ADK: variants seen among roughly 807,000 people sequenced by gnomAD.
ADK encodes adenosine kinase, also known as N6,N6-dimethyladenosine kinase.
ADK carries 24 observed loss-of-function variants against 44.7 expected under a neutral mutation model. That is an observed-to-expected ratio of 0.54 (90% CI 0.39 to 0.76). The LOEUF is 0.76. ADK is among the 30% of genes least tolerant of loss of function. The pLI is 0.00. For missense variants in ADK, 321 were observed against 425.1 expected (o/e 0.76, Z 2.15); for synonymous variants, 128 against 142.6 (o/e 0.90, Z 0.73).
intron 1 of ADK, among the ~76,000 whole-genome samples, chr10:74,162,521 T>TTGTGTGTGTGTG (rs10550667): frequency 4.9e-5 from 7 of 141,882 alleles, no homozygotes; most frequent in African/African-American, 7.9e-5. Context: ...TGCATTTCTT[T>TTGTGTGTGTGTG]TGTGTGTGTG....
intron 6 of ADK, among the ~76,000 whole-genome samples, chr10:74,511,149 T>C (rs963745792): frequency 3.3e-5 from 5 of 152,232 alleles, no homozygotes; most frequent in Non-Finnish European, 7.3e-5. Context: ...CTTGGCACTT[T>C]TGTCAAAAAT....
At chr10:74,686,041 A>T (rs1855774341) in intron 10 of ADK, among the ~76,000 whole-genome samples, 2 of 152,074 alleles carry the variant, frequency 1.3e-5, no homozygotes. Flanking sequence ...GACTCGCTGC[A>T]AGCTCCGCCT....
chr10:74,192,212 T>G (rs1224922055), intron 1 of ADK, among the ~76,000 whole-genome samples: 1 of 152,082 alleles, frequency 6.6e-6, no homozygotes, highest in Non-Finnish European at 1.5e-5. Flanking sequence ...TTTACCATTT[T>G]TTTTTCTTTT....
chr10:74,691,120 T>A (rs1042977180), intron 10 of ADK, among the ~76,000 whole-genome samples: 1 of 152,192 alleles, frequency 6.6e-6, no homozygotes, highest in African/African-American at 2.4e-5. Flanking sequence ...AGCATATATC[T>A]GGTAATCATT....
Position 74,702,491 on chromosome 10 carries a change from T to C in ADK, c.965-5830T>C, listed in dbSNP as rs138969667. On this transcript the variant is annotated intron_variant, in intron 10 of 10. Coordinates refer to ENST00000539909, the MANE Select transcript of ADK (RefSeq NM_006721.4). ...GCCACCATGGCCAGCCTAATTTGAT[T>C]TGAGGATTTGCTCAGTCTGTCTTCC... Among the ~76,000 whole-genome samples the C allele has an allele frequency of 2.7e-4, 39 of 146,506 alleles. No homozygotes were observed. The South Asian group carries it at 8.0e-3, about 30-fold the overall frequency.
In ADK at chr10:74,543,605, A is replaced by C. The variant is rs188120834; in HGVS notation, c.726+18179A>C. ...GTTAGATGTTGCTAAATTCCTCTCCAAAATAATTAGAAATGTTTTCATTCT... is the reference window on the plus strand; with the variant it reads ...GTTAGATGTTGCTAAATTCCTCTCCCAAATAATTAGAAATGTTTTCATTCT... On this transcript the variant is annotated intron_variant, in intron 7 of 10. Coordinates refer to ENST00000539909, the MANE Select transcript of ADK (RefSeq NM_006721.4). Among the ~76,000 whole-genome samples the C allele has an allele frequency of 2.0e-3, 302 of 152,368 alleles. 1 individual carries two copies. The highest frequency in any genetic ancestry group is 7.1e-3 in the African/African-American group (295 of 41,590).
chr10:74,517,083 GTC>G (rs1848616875), intron 6 of ADK, among the ~76,000 whole-genome samples: 1 of 152,002 alleles, frequency 6.6e-6, no homozygotes, highest in South Asian at 2.1e-4. Flanking sequence ...TCTCCCACCA[GTC>G]TCTCCCACAA....
intron 9 of ADK, chr10:74,655,396 C>T (rs1280736235): frequency 4.9e-6 from 2 of 409,648 alleles, no homozygotes; most frequent in Admixed American, 3.4e-5. Context: ...AAGAGTTGGA[C>T]GAAGACACGA....
chr10:74,559,595 T>C (rs1357214922), intron 7 of ADK, among the ~76,000 whole-genome samples: 1 of 152,238 alleles, frequency 6.6e-6, no homozygotes, highest in Non-Finnish European at 1.5e-5. Context: ...AATTTAACTT[T>C]TGATACATTT....
intron 2 of ADK, among the ~76,000 whole-genome samples, chr10:74,218,536 T>C (rs907616993): frequency 1.3e-5 from 2 of 152,074 alleles, no homozygotes; most frequent in African/African-American, 4.8e-5. Context: ...AGATACTCCT[T>C]GAGAAGACCA....
At chr10:74,597,548 T>G (rs909974484) in intron 8 of ADK, among the ~76,000 whole-genome samples, 2 of 152,198 alleles carry the variant, frequency 1.3e-5, no homozygotes, top group African/African-American at 4.8e-5. Flanking sequence ...GTTCATGAAC[T>G]TTATACTTTT....
At chr10:74,666,941 G>C (rs564250882) in intron 9 of ADK, among the ~76,000 whole-genome samples, 1 of 147,652 alleles carries the variant, frequency 6.8e-6, no homozygotes, top group Non-Finnish European at 1.5e-5. Flanking sequence ...AGTGATTCTC[G>C]TGCCTCAGCC....
At chr10:74,397,804 A>G (rs1255754605) in intron 5 of ADK, among the ~76,000 whole-genome samples, 1 of 152,176 alleles carries the variant, frequency 6.6e-6, no homozygotes, top group East Asian at 1.9e-4. Context: ...CCTCTGAAAG[A>G]GCTGGGATTT....
intron 9 of ADK, among the ~76,000 whole-genome samples, chr10:74,611,870 C>T (rs891275395): frequency 1.1e-4 from 16 of 152,040 alleles, no homozygotes; most frequent in African/African-American, 1.9e-4. Flanking sequence ...TTATCCAATC[C>T]GCTGTTGATG....
At chr10:74,542,506 A>G (rs1472103590) in intron 7 of ADK, among the ~76,000 whole-genome samples, 2 of 152,042 alleles carry the variant, frequency 1.3e-5, no homozygotes, top group Non-Finnish European at 2.9e-5. Flanking sequence ...TTTCCCCTTC[A>G]AGTATTTTAA....
At chr10:74,458,090 A>G (rs925222729) in intron 6 of ADK, among the ~76,000 whole-genome samples, 2 of 149,810 alleles carry the variant, frequency 1.3e-5, no homozygotes, top group African/African-American at 4.9e-5. Context: ...AAACTGGGGG[A>G]AAATAATCTT....
At chr10:74,324,602 T>C (rs1231153307) in intron 4 of ADK, among the ~76,000 whole-genome samples, 8 of 152,238 alleles carry the variant, frequency 5.3e-5, no homozygotes, top group African/African-American at 7.2e-5. Context: ...TTTTTGTGGA[T>C]GAATAGTATT....
intron 3 of ADK, among the ~76,000 whole-genome samples, chr10:74,287,429 A>G (rs915907181): frequency 1.3e-5 from 2 of 151,444 alleles, no homozygotes; most frequent in South Asian, 4.2e-4. Flanking sequence ...GCGCCACTGC[A>G]CTCCAGCCTG....
chr10:74,429,707 G>A lies in ADK; in HGVS notation c.555+31128G>A, dbSNP rs150437087. Among the ~76,000 whole-genome samples, 368 of 152,226 alleles carry A rather than the reference G, an allele frequency of 2.4e-3. 2 individuals are homozygous for A. The highest frequency in any genetic ancestry group is 8.4e-3 in the African/African-American group (349 of 41,546). ...TTATACAAATATAAAAGGAAAAAAT[G>A]TTTGACTAGTGATACTCTCAAACTT... On this transcript the variant is annotated intron_variant, in intron 6 of 10. Transcript: ENST00000539909.
Sources: gnomAD v4.1 joint callset for allele counts (sites outside exome capture counted in the v4.1 genomes callset) on GRCh38, gnomAD v4.1.1 for gene constraint, MANE v1.5 for transcripts, NCBI Gene and HGNC (gene_info 2026-07-23, HGNC 2026-07-21) for gene names.